Variants in SLC4A8 observed in about 807,000 individuals in gnomAD.
SLC4A8 encodes the protein solute carrier family 4 member 8.
Under a neutral mutation model 125.0 loss-of-function variants are expected in SLC4A8, and 40 were observed. The observed-to-expected ratio is 0.32, with a 90% CI of 0.25 to 0.42. The LOEUF (loss-of-function observed/expected upper bound fraction) is 0.42. Among genes scored for constraint, SLC4A8 ranks in the 10% least tolerant of loss-of-function variants. SLC4A8 has a pLI of 1.00. For missense variants in SLC4A8, 863 were observed against 1,355.1 expected (o/e 0.64, Z 5.70); for synonymous variants, 456 against 476.0 (o/e 0.96, Z 0.55).
chr12:51,445,272 G>A (rs1949738002), intron 2 of SLC4A8, among the ~76,000 whole-genome samples: 1 of 152,128 alleles, frequency 6.6e-6, no homozygotes, highest in Non-Finnish European at 1.5e-5. Flanking sequence ...CTGGGCTCAA[G>A]TGACCTCCCA....
intron 1 of SLC4A8, among the ~76,000 whole-genome samples, chr12:51,398,225 C>CT (rs1455366460): frequency 6.6e-6 from 1 of 152,194 alleles, no homozygotes; most frequent in Admixed American, 6.5e-5. Context: ...TTCTAGTGTT[C>CT]TCTCTCCTAA....
chr12:51,415,909 T>G (rs1323993840), intron 1 of SLC4A8, among the ~76,000 whole-genome samples: 1 of 151,006 alleles, frequency 6.6e-6, no homozygotes, highest in Non-Finnish European at 1.5e-5. Context: ...CCCCCGAATC[T>G]AAAATAAAAT....
At chr12:51,402,770 G>T (rs1191984354) in intron 1 of SLC4A8, among the ~76,000 whole-genome samples, 1 of 152,140 alleles carries the variant, frequency 6.6e-6, no homozygotes, top group Non-Finnish European at 1.5e-5. Flanking sequence ...TTGACTCCTA[G>T]GCATTTATTT....
intron 22 of SLC4A8, chr12:51,497,325 C>G: frequency 1.8e-6 from 1 of 556,320 alleles, no homozygotes. Context: ...TTGACAACCA[C>G]TTATTTTTTC....
chr12:51,432,656 G>C (rs1046342036), intron 1 of SLC4A8, among the ~76,000 whole-genome samples: 2 of 152,106 alleles, frequency 1.3e-5, no homozygotes, highest in Admixed American at 6.6e-5. Context: ...CCAGGAGACA[G>C]AGGTTGCGAT....
intron 11 of SLC4A8, among the ~76,000 whole-genome samples, chr12:51,465,090 G>A (rs1382540488): frequency 6.6e-6 from 1 of 152,132 alleles, no homozygotes; most frequent in Non-Finnish European, 1.5e-5. Context: ...GGGTGGGGAG[G>A]CCTGGTATTG....
In SLC4A8 at chr12:51,508,019, G is replaced by A. The variant is rs1010484213; in HGVS notation, c.*581G>A. Reference sequence around the variant, plus strand: ...GCTACCAGGAAGATCCATGATCTGGGCATTGGCAGTGCCTGCCACCACAGC... The same window carrying A: ...GCTACCAGGAAGATCCATGATCTGGACATTGGCAGTGCCTGCCACCACAGC... On this transcript the variant is annotated 3_prime_UTR_variant, in exon 25 of 25. Transcript: ENST00000453097. The A allele has an allele frequency of 1.3e-5, 2 of 152,376 alleles. No individual in the cohort carries two copies. Among genetic ancestry groups the A allele is most frequent in the African/African-American group, 4.8e-5 (2 of 41,478 alleles). The allele number at this position is 152,376 out of a possible 1,614,324, so 9.4% of individuals were successfully genotyped here. A position where few individuals can be genotyped will look rare whatever the true frequency, so the allele number is the denominator to read the frequency against.
At chr12:51,400,781 TACATACACACAC>T (rs1565749311) in intron 1 of SLC4A8, among the ~76,000 whole-genome samples, 1 of 6,986 alleles carries the variant, frequency 1.4e-4, no homozygotes, top group South Asian at 6.1e-3. Context: ...TATATATACA[TACATACACACAC>T]ACACACACAT....
chr12:51,491,737 GCAGACACACACA>G (rs1351476898), intron 19 of SLC4A8, among the ~76,000 whole-genome samples: 21 of 126,918 alleles, frequency 1.7e-4, no homozygotes, highest in East Asian at 1.4e-3. Flanking sequence ...CTGGGGATGG[GCAGACACACACA>G]CACACACACA....
At chr12:51,459,444 C>T (rs2138231233) in intron 7 of SLC4A8, among the ~76,000 whole-genome samples, 1 of 152,040 alleles carries the variant, frequency 6.6e-6, no homozygotes, top group Non-Finnish European at 1.5e-5. Flanking sequence ...GTTTCAAATA[C>T]TTCATTTTTT....
At chr12:51,395,866 C>T (rs1948250285) in intron 1 of SLC4A8, among the ~76,000 whole-genome samples, 1 of 152,226 alleles carries the variant, frequency 6.6e-6, no homozygotes, top group African/African-American at 2.4e-5. Flanking sequence ...TGAGATAACA[C>T]ATGAAAGTGT....
chr12:51,398,771 A>G (rs1023575498), intron 1 of SLC4A8, among the ~76,000 whole-genome samples: 1 of 152,192 alleles, frequency 6.6e-6, no homozygotes, highest in African/African-American at 2.4e-5. Context: ...TTTTTTTGAG[A>G]GAGAGTCTCG....
At chr12:51,503,891 A>G (rs1404031095) in intron 22 of SLC4A8, 138 bp from the exon 23 acceptor site, 10 of 565,270 alleles carry the variant, frequency 1.8e-5, no homozygotes, top group Non-Finnish European at 3.1e-5. Flanking sequence ...GTGGTAACTC[A>G]AGTCTATGAA....
At chr12:51,474,979 C>T in intron 15 of SLC4A8, 66 bp from the exon 16 acceptor site, 1 of 1,398,058 alleles carries the variant, frequency 7.2e-7, no homozygotes, top group Admixed American at 1.8e-5. Context: ...GTGGTGGACT[C>T]AGTAGGAAAC....
chr12:51,504,281 T>C (rs535065447), intron 23 of SLC4A8, among the ~76,000 whole-genome samples, 161 bp downstream of exon 23: 36 of 152,344 alleles, frequency 2.4e-4, no homozygotes, highest in Admixed American at 1.3e-3. Flanking sequence ...TCTCATTGTT[T>C]ATTGAATACC....
At chr12:51,450,825 G>T (rs748917494) in intron 2 of SLC4A8, 51 bp from the exon 3 acceptor site, 22 of 1,599,436 alleles carry the variant, frequency 1.4e-5, no homozygotes, top group East Asian at 2.2e-5. Flanking sequence ...TGTTGTTGTT[G>T]TTTTTTAAAA....
chr12:51,448,977 T>C (rs1949877052), intron 2 of SLC4A8, among the ~76,000 whole-genome samples: 1 of 151,962 alleles, frequency 6.6e-6, no homozygotes, highest in African/African-American at 2.4e-5. Flanking sequence ...GAGAAACCTA[T>C]GGCAGGGATG....
At chr12:51,418,485 A>G (rs1592151999) in intron 1 of SLC4A8, among the ~76,000 whole-genome samples, 1 of 152,144 alleles carries the variant, frequency 6.6e-6, no homozygotes, top group East Asian at 1.9e-4. Flanking sequence ...TTATCCTTAC[A>G]TGTGTTTTAA....
intron 1 of SLC4A8, among the ~76,000 whole-genome samples, chr12:51,428,637 C>G (rs1380871260): frequency 2.0e-5 from 3 of 152,198 alleles, no homozygotes; most frequent in Non-Finnish European, 4.4e-5. Context: ...CTCACTCTCC[C>G]CTGCTCACAA....
Sources: gnomAD v4.1 joint callset for allele counts (sites outside exome capture counted in the v4.1 genomes callset) on GRCh38, gnomAD v4.1.1 for gene constraint, MANE v1.5 for transcripts, NCBI Gene and HGNC (gene_info 2026-07-23, HGNC 2026-07-21) for gene names.